FRS2: variants seen among roughly 807,000 people sequenced by gnomAD.
FRS2 encodes FGFR signalling adaptor.
FRS2 carries 8 observed loss-of-function variants against 43.9 expected under a neutral mutation model. That is an observed-to-expected ratio of 0.18 (90% CI 0.11 to 0.33). The LOEUF is 0.33. FRS2 is among the 10% of genes least tolerant of loss of function. The pLI is 1.00. For missense variants in FRS2, 534 were observed against 627.6 expected (o/e 0.85, Z 1.59); for synonymous variants, 219 against 220.3 (o/e 0.99, Z 0.05).
rs534177514 is a variant in FRS2 at position 69,575,424 on chromosome 12, T to G, written c.*469T>G. On this transcript the variant is annotated 3_prime_UTR_variant, in exon 9 of 9. Coordinates refer to ENST00000549921, the MANE Select transcript of FRS2 (RefSeq NM_001278356.2). ...GTAACATGAGGAATCCTTTATTTCA[T>G]TAATTAATGGCTTTTTGACTTGAGC... The G allele has an allele frequency of 1.3e-5, 2 of 155,030 alleles. No homozygotes were observed. The highest frequency in any genetic ancestry group is 3.8e-4 in the East Asian group (2 of 5,250). The allele number at this position is 155,030 out of a possible 1,614,324, so 9.6% of individuals were successfully genotyped here.
chr12:69,532,639 A>G (rs1202930001), intron 3 of FRS2, among the ~76,000 whole-genome samples: 2 of 152,168 alleles, frequency 1.3e-5, no homozygotes, highest in Non-Finnish European at 2.9e-5. Context: ...TAATACTATC[A>G]CATTGGCCAT....
chr12:69,562,201 A>T lies in FRS2; in HGVS notation c.-100A>T. ...TTAGGTTAAATCAGCAAACAAAGAA[A>T]ACATGGTATTTTGAAATATGATTAA... On this transcript the variant is annotated 5_prime_UTR_variant, in exon 4 of 9. Transcript: ENST00000549921. The T allele has an allele frequency of 2.5e-6, 1 of 398,368 alleles. No homozygotes were observed. Among genetic ancestry groups the T allele is most frequent in the Non-Finnish European group, 4.4e-6 (1 of 225,904 alleles). 24.7% of individuals were successfully genotyped at this position (398,368 alleles called of 1,614,324 possible).
At chr12:69,558,281 T>C (rs1335483864) in intron 3 of FRS2, among the ~76,000 whole-genome samples, 1 of 152,218 alleles carries the variant, frequency 6.6e-6, no homozygotes, top group Non-Finnish European at 1.5e-5. Context: ...ACACTATTAA[T>C]TGTTTTCTTA....
intron 1 of FRS2, among the ~76,000 whole-genome samples, chr12:69,516,065 AT>A (rs1363946390): frequency 3.3e-5 from 5 of 152,006 alleles, no homozygotes; most frequent in Non-Finnish European, 7.4e-5. Context: ...CCTCTCGTTA[AT>A]TATTACTTTA....
At chr12:69,536,122 TTTTTTTTTTTTTTTTTTTTGG>T (rs1400593866) in intron 3 of FRS2, among the ~76,000 whole-genome samples, 10 of 59,722 alleles carry the variant, frequency 1.7e-4, no homozygotes, top group African/African-American at 6.4e-4. Context: ...TTTTTTTTTT[TTTTTTTTTTTTTTTTTTTTGG>T]AGACGAAGTC....
intron 6 of FRS2, 86 bp downstream of exon 6, chr12:69,570,603 T>C (rs1880669686): frequency 1.2e-6 from 1 of 805,494 alleles, no homozygotes; most frequent in African/African-American, 1.7e-5. Context: ...TTAATATTTT[T>C]CTTCTGAAAA....
At chr12:69,572,941 C>T (rs922292979) in intron 8 of FRS2, among the ~76,000 whole-genome samples, 1 of 152,180 alleles carries the variant, frequency 6.6e-6, no homozygotes, top group Non-Finnish European at 1.5e-5. Flanking sequence ...AGCAGCTCTC[C>T]TGCCTCAGCC....
At chr12:69,557,632 G>GCGTT (rs1555192591) in intron 3 of FRS2, among the ~76,000 whole-genome samples, 4 of 147,658 alleles carry the variant, frequency 2.7e-5, no homozygotes, top group African/African-American at 1.0e-4. Flanking sequence ...GCGCGCGCGC[G>GCGTT]CGCGCAGGTG....
intron 7 of FRS2, among the ~76,000 whole-genome samples, chr12:69,571,824 A>T (rs1427414582): frequency 6.6e-6 from 1 of 152,218 alleles, no homozygotes; most frequent in East Asian, 1.9e-4. Context: ...AGATCATGCC[A>T]CTGCATTCCA....
At position 69,577,720 on chromosome 12, in the gene FRS2, C is replaced by T. The variant is rs521839; in HGVS notation, c.*2765C>T. 0.61 allele frequency: 93,361 copies of T among 152,464 alleles called. 30,411 individuals carry two copies. The highest frequency in any genetic ancestry group is 0.84 in the African/African-American group (35,025 of 41,530). The allele number at this position is 152,464 out of a possible 1,614,324, so 9.4% of individuals were successfully genotyped here. Reference sequence around the variant, plus strand: ...TTTTATTTCCCAGTTTCATCTTCTTCTAAAAATGAAAATATGGTGCCTTCC... The same window carrying T: ...TTTTATTTCCCAGTTTCATCTTCTTTTAAAAATGAAAATATGGTGCCTTCC... On this transcript the variant is annotated 3_prime_UTR_variant, in exon 9 of 9. Coordinates refer to ENST00000549921, the MANE Select transcript of FRS2 (RefSeq NM_001278356.2).
intron 4 of FRS2, among the ~76,000 whole-genome samples, chr12:69,564,487 A>T (rs1419450109): frequency 1.3e-5 from 2 of 152,094 alleles, no homozygotes; most frequent in African/African-American, 4.8e-5. Context: ...ACAAATCATT[A>T]TCACTTCCTC....
intron 3 of FRS2, among the ~76,000 whole-genome samples, chr12:69,532,743 C>G (rs1049820802): frequency 1.1e-4 from 16 of 152,100 alleles, no homozygotes; most frequent in Non-Finnish European, 2.1e-4. Flanking sequence ...AAGATTAGGG[C>G]TTTTTAAAAT....
chr12:69,568,127 A>G (rs1010288645), intron 4 of FRS2, among the ~76,000 whole-genome samples: 3 of 152,196 alleles, frequency 2.0e-5, no homozygotes, highest in Admixed American at 6.5e-5. Context: ...TAAACACTCA[A>G]TGTCAGGTAT....
intron 1 of FRS2, among the ~76,000 whole-genome samples, chr12:69,529,028 C>T (rs1876533692): frequency 6.6e-6 from 1 of 152,124 alleles, no homozygotes; most frequent in African/African-American, 2.4e-5. Flanking sequence ...GATAGCAGAT[C>T]ATGGTCTTTA....
rs1256620607 is a variant in FRS2 at position 69,485,117 on chromosome 12, A to ACGCG, written c.-261+14588_-261+14589insGCGC. Reference sequence around the variant, plus strand: ...CACACACACACACACACACACACACACACACACACACACACACACTCTCAC... The same window carrying ACGCG: ...CACACACACACACACACACACACACACGCGCACACACACACACACACACTCTCAC... On this transcript the variant is annotated intron_variant, in intron 1 of 8. Transcript: ENST00000549921. Among the ~76,000 whole-genome samples, 16 of 147,962 alleles carry ACGCG rather than the reference A, an allele frequency of 1.1e-4. 2 individuals carry two copies. Among genetic ancestry groups the ACGCG allele is most frequent in the African/African-American group, 3.8e-4 (15 of 38,992 alleles).
At chr12:69,491,324 G>C (rs1295335202) in intron 1 of FRS2, among the ~76,000 whole-genome samples, 1 of 152,050 alleles carries the variant, frequency 6.6e-6, no homozygotes, top group African/African-American at 2.4e-5. Context: ...TCAAACACCT[G>C]AGCTCCAGCG....
In FRS2 at chr12:69,527,343, ATTTTTT is replaced by A. The variant is rs1166365306; in HGVS notation, c.-260-3506_-260-3501del. 4.2e-4 allele frequency among the ~76,000 whole-genome samples: 35 copies of A among 84,234 alleles called. 1 individual carries two copies. Among genetic ancestry groups the A allele is most frequent in the South Asian group, 5.5e-4 (1 of 1,830 alleles). 55.3% of individuals were successfully genotyped at this position (84,234 alleles called of 152,430 possible). ...GAGCAAAGTTTTTTTTTTTTTAATG[ATTTTTT>A]TTTTTTTTTTTTTTTAAAGAGACAA... On this transcript the variant is annotated intron_variant, in intron 1 of 8. Coordinates refer to ENST00000549921, the MANE Select transcript of FRS2 (RefSeq NM_001278356.2).
intron 5 of FRS2, 24 bp from the exon 6 acceptor site, chr12:69,570,307 A>C: frequency 6.3e-7 from 1 of 1,578,182 alleles, no homozygotes; most frequent in Non-Finnish European, 8.7e-7. Flanking sequence ...ACATATTTGC[A>C]TGACTGTCAC....
At chr12:69,520,117 G>T (rs1426680511) in intron 1 of FRS2, among the ~76,000 whole-genome samples, 1 of 152,140 alleles carries the variant, frequency 6.6e-6, no homozygotes, top group Admixed American at 6.5e-5. Flanking sequence ...GTGCGAGATG[G>T]TATCTCATTG....
Sources: gnomAD v4.1 joint callset for allele counts (sites outside exome capture counted in the v4.1 genomes callset) on GRCh38, gnomAD v4.1.1 for gene constraint, MANE v1.5 for transcripts, NCBI Gene and HGNC (gene_info 2026-07-23, HGNC 2026-07-21) for gene names.